Variants in LARS1 observed in about 807,000 individuals in gnomAD.
LARS1 encodes leucine--tRNA ligase, cytoplasmic.
A neutral mutation model predicts 162.8 loss-of-function variants in LARS1; 100 were observed. The observed-to-expected ratio is 0.61, with a 90% CI of 0.52 to 0.73. LARS1 has a LOEUF of 0.73. LARS1 is among the 30% of genes least tolerant of loss of function. The probability of loss-of-function intolerance (pLI) is 0.00; values close to 1 mark genes in which losing one functional copy is unlikely to be tolerated. For missense variants in LARS1, 1,258 were observed against 1,408.9 expected (o/e 0.89, Z 1.71); for synonymous variants, 457 against 462.8 (o/e 0.99, Z 0.16).
intron 2 of LARS1, among the ~76,000 whole-genome samples, chr5:146,173,197 G>A (rs1391865909): frequency 3.3e-5 from 5 of 151,928 alleles, no homozygotes; most frequent in Admixed American, 1.3e-4. Context: ...AAAACTAGCC[G>A]GGCGTGATGG....
intron 1 of LARS1, chr5:146,181,166 A>G: frequency 6.6e-6 from 1 of 152,210 alleles, no homozygotes; most frequent in East Asian, 1.9e-4. Context: ...ATCCTGGCCA[A>G]TGTGGTGAAA....
chr5:146,166,272 T>C (rs1753999034), intron 5 of LARS1, among the ~76,000 whole-genome samples: 1 of 151,928 alleles, frequency 6.6e-6, no homozygotes, highest in Non-Finnish European at 1.5e-5. Flanking sequence ...GATGAGGGAA[T>C]GTCTAATGGA....
rs746368753 is a variant in LARS1 at position 146,144,646 on chromosome 5, C to T, written c.1567G>A (p.Val523Ile). ...QVMSRSSDEC[V>I]VALCDQWYLD... ...AACCACTGGTCACACAGAGCCACAA[C>T]ACATTCATCTGACGACCTGGACATC... is the stretch of plus-strand genomic sequence containing the variant. The change falls in exon 16 of 32, where the codon GTT becomes ATT. Residue 523 changes from valine to isoleucine, a missense_variant. By Grantham distance (29) the Val-to-Ile change is conservative. Transcript: ENST00000394434. The T allele has an allele frequency of 6.2e-7, 1 of 1,614,112 alleles. No individual in the cohort carries two copies. Among genetic ancestry groups the T allele is most frequent in the South Asian group, 1.1e-5 (1 of 91,088 alleles).
At chr5:146,121,658 G>A in intron 30 of LARS1, among the ~76,000 whole-genome samples, 1 of 152,096 alleles carries the variant, frequency 6.6e-6, no homozygotes, top group East Asian at 1.9e-4. Flanking sequence ...AAAAAATGAT[G>A]AGTTTATGTC....
intron 31 of LARS1, among the ~76,000 whole-genome samples, chr5:146,116,674 C>T (rs1021543434): frequency 1.3e-5 from 2 of 152,294 alleles, no homozygotes; most frequent in South Asian, 2.1e-4. Context: ...GGACTGATAA[C>T]GAGAAATGAA....
chr5:146,132,804 T>TA (rs11321164), intron 23 of LARS1, 94 bp downstream of exon 23: 1,926 of 749,792 alleles, frequency 2.6e-3, no homozygotes, highest in Non-Finnish European at 3.0e-3. Context: ...TTTATTTTAT[T>TA]AAAAAAAAAA....
intron 12 of LARS1, 37 bp from the exon 13 acceptor site, chr5:146,153,264 C>A: frequency 7.2e-7 from 1 of 1,389,104 alleles, no homozygotes; most frequent in Non-Finnish European, 1.0e-6. Context: ...TAATGATCAA[C>A]ACTTTACTGG....
At chr5:146,154,516 GCCTGTAAA>G (rs1393283888) in intron 10 of LARS1, among the ~76,000 whole-genome samples, 7 of 152,208 alleles carry the variant, frequency 4.6e-5, no homozygotes, top group Non-Finnish European at 1.0e-4. Context: ...GGTGGCTAAC[GCCTGTAAA>G]CCCAGCACTT....
intron 31 of LARS1, among the ~76,000 whole-genome samples, chr5:146,118,844 A>G (rs1751686801): frequency 6.6e-6 from 1 of 152,230 alleles, no homozygotes; most frequent in Non-Finnish European, 1.5e-5. Context: ...ACACATAAAA[A>G]TGACTAAAAT....
intron 1 of LARS1, among the ~76,000 whole-genome samples, chr5:146,178,677 G>A (rs897909493): frequency 2.6e-5 from 4 of 151,884 alleles, no homozygotes; most frequent in Admixed American, 2.6e-4. Context: ...GATTGTATAA[G>A]GTATTTTCTT....
rs11540214 is a variant in LARS1 at position 146,160,433 on chromosome 5, T to G, written c.648A>C (p.Ser216=). ...ITTDVNPYYD[S]FVRWQFLTLR... Reference sequence around the variant, plus strand: ...ATGTTAAAAATTGCCATCTGACAAATGAATCATAGTAAGGATTAACATCAG... The same window carrying G: ...ATGTTAAAAATTGCCATCTGACAAAGGAATCATAGTAAGGATTAACATCAG... The change falls in exon 7 of 32, where the codon TCA becomes TCC. Residue 216 remains serine, a synonymous_variant. Coordinates refer to ENST00000394434, the MANE Select transcript of LARS1 (RefSeq NM_020117.11). 425,493 of 1,575,604 alleles carry G rather than the reference T, an allele frequency of 0.27. 61,665 individuals are homozygous for G. Among genetic ancestry groups the G allele is most frequent in the Admixed American group, 0.39 (20,455 of 52,190 alleles).
chr5:146,168,490 T>A (rs780872469), intron 4 of LARS1, among the ~76,000 whole-genome samples: 2 of 151,824 alleles, frequency 1.3e-5, no homozygotes, highest in African/African-American at 4.8e-5. Context: ...TTGTCAGGAG[T>A]TCGAGACCAG....
chr5:146,177,249 G>A (rs1265945968), intron 2 of LARS1, among the ~76,000 whole-genome samples: 2 of 151,314 alleles, frequency 1.3e-5, no homozygotes, highest in Non-Finnish European at 2.9e-5. Context: ...GGTGGATCAC[G>A]AGGTCAGAAG....
intron 14 of LARS1, among the ~76,000 whole-genome samples, chr5:146,150,706 G>A (rs1387589706): frequency 7.9e-5 from 12 of 151,802 alleles, no homozygotes; most frequent in Admixed American, 7.2e-4. Flanking sequence ...GGGAGGCCAA[G>A]GTGGGCAGAT....
intron 30 of LARS1, among the ~76,000 whole-genome samples, chr5:146,121,594 A>G (rs2126374609): frequency 6.6e-6 from 1 of 152,326 alleles, no homozygotes; most frequent in Non-Finnish European, 1.5e-5. Context: ...CATCAATGAT[A>G]GACTGGATAA....
At chr5:146,149,352 C>T (rs1450682743) in intron 15 of LARS1, among the ~76,000 whole-genome samples, 1 of 152,146 alleles carries the variant, frequency 6.6e-6, no homozygotes, top group Non-Finnish European at 1.5e-5. Context: ...ATTGTAACTA[C>T]CAGTATCTAA....
intron 6 of LARS1, among the ~76,000 whole-genome samples, chr5:146,161,596 A>G (rs554093764): frequency 2.9e-4 from 44 of 152,170 alleles, no homozygotes; most frequent in Non-Finnish European, 6.0e-4. Context: ...AAAATACAAA[A>G]TACAAAATTA....
chr5:146,168,116 C>A lies in LARS1; in HGVS notation c.432+12G>T. On this transcript the variant is annotated intron_variant, in intron 5 of 31. Coordinates refer to ENST00000394434, the MANE Select transcript of LARS1 (RefSeq NM_020117.11). ...AAACTTCAACCAACATAAATATCAA[C>A]CACTATCAAACCTTTTTTCCTTTAG... The A allele has an allele frequency of 6.3e-7, 1 of 1,586,046 alleles. No homozygotes were observed. Among genetic ancestry groups the A allele is most frequent in the Non-Finnish European group, 8.6e-7 (1 of 1,161,750 alleles).
At chr5:146,132,726 A>C in intron 23 of LARS1, 172 bp downstream of exon 23, 1 of 484,998 alleles carries the variant, frequency 2.1e-6, no homozygotes. Context: ...GATAATGGAC[A>C]CAAAATACTT....
Sources: gnomAD v4.1 joint callset for allele counts (sites outside exome capture counted in the v4.1 genomes callset) on GRCh38, gnomAD v4.1.1 for gene constraint, MANE v1.5 for transcripts, NCBI Gene and HGNC (gene_info 2026-07-23, HGNC 2026-07-21) for gene names.